QKI: variants seen among roughly 807,000 people sequenced by gnomAD.
The protein encoded by QKI is QKI, KH domain containing RNA binding.
Under a neutral mutation model 39.0 loss-of-function variants are expected in QKI, and 10 were observed. That is an observed-to-expected ratio of 0.26 (90% confidence interval 0.16 to 0.43). The LOEUF (loss-of-function observed/expected upper bound fraction) is 0.43, where lower values mean the gene tolerates loss of function less well. QKI is among the 20% of genes least tolerant of loss of function. The pLI is 1.00. For synonymous variants in QKI, 204 were observed against 155.4 expected, an observed-to-expected ratio of 1.31 and a Z score of -2.33; for missense variants, 218 against 428.0, an observed-to-expected ratio of 0.51 and a Z score of 4.33.
chr6:163,492,110 T>A (rs1011152072), intron 3 of QKI, among the ~76,000 whole-genome samples: 1 of 152,228 alleles, frequency 6.6e-6, no homozygotes, highest in African/African-American at 2.4e-5. Flanking sequence ...GAGTGAGTAG[T>A]GGAATGTTGC....
At chr6:163,517,080 TTTC>T (rs1562505611) in intron 3 of QKI, among the ~76,000 whole-genome samples, 13 of 137,478 alleles carry the variant, frequency 9.5e-5, no homozygotes, top group Admixed American at 2.8e-4. Context: ...TCTCTCTCTC[TTTC>T]TCTCTCTCTC....
In QKI at chr6:163,573,849, A is replaced by G. The variant is rs2128253854; in HGVS notation, c.*3139A>G. ...ACCTTTATATGTTTAATTAAAATAA[A>G]CAAATAAAGACAAAAGAATGTAAAG... is the stretch of plus-strand genomic sequence containing the variant. On this transcript the variant is annotated 3_prime_UTR_variant, in exon 8 of 8. Coordinates refer to ENST00000361752, the MANE Select transcript of QKI (RefSeq NM_006775.3). 6.6e-6 allele frequency: 1 copy of G among 152,210 alleles called. No homozygotes were observed. The highest frequency in any genetic ancestry group is 3.4e-3 in the Middle Eastern group (1 of 294). The allele number at this position is 152,210 out of a possible 1,614,324, so 9.4% of individuals were successfully genotyped here.
At chr6:163,541,654 C>A (rs1232440631) in intron 4 of QKI, among the ~76,000 whole-genome samples, 1 of 151,894 alleles carries the variant, frequency 6.6e-6, no homozygotes, top group Non-Finnish European at 1.5e-5. Context: ...GCATGCATAT[C>A]TATGTATGTA....
chr6:163,517,094 T>TCTCTCTCTCTCTCTAG (rs796976137), intron 3 of QKI, among the ~76,000 whole-genome samples: 3,864 of 148,720 alleles, frequency 0.026, 184 homozygotes, highest in African/African-American at 0.095. Flanking sequence ...TCTCTCTCTC[T>TCTCTCTCTCTCTCTAG]CTCTCTCTAG....
chr6:163,480,464 A>G (rs1054756624), intron 3 of QKI, among the ~76,000 whole-genome samples: 1 of 152,184 alleles, frequency 6.6e-6, no homozygotes, highest in Non-Finnish European at 1.5e-5. Flanking sequence ...TTAAGCCCTC[A>G]CATAAGCTGA....
At chr6:163,549,473 G>A (rs755905787) in intron 4 of QKI, among the ~76,000 whole-genome samples, 12 of 152,178 alleles carry the variant, frequency 7.9e-5, no homozygotes, top group Non-Finnish European at 1.3e-4. Context: ...CACTTTGGGA[G>A]GCTGAGGCGG....
intron 3 of QKI, among the ~76,000 whole-genome samples, chr6:163,492,718 A>G (rs1174813184): frequency 6.6e-6 from 1 of 152,172 alleles, no homozygotes; most frequent in African/African-American, 2.4e-5. Context: ...AATAAGATTA[A>G]TGTTTGAATA....
At position 163,508,504 on chromosome 6, in the gene QKI, T is replaced by TTTTC. The variant is rs142900512; in HGVS notation, c.403-26450_403-26447dup. On this transcript the variant is annotated intron_variant, in intron 3 of 7. Coordinates refer to ENST00000361752, the MANE Select transcript of QKI (RefSeq NM_006775.3). ...AGTAAAATATCTTTTTTTCTTTTTCTTTTCTTTCTTTCTTTCTTTCTTTCT... is the reference window on the plus strand; with the variant it reads ...AGTAAAATATCTTTTTTTCTTTTTCTTTTCTTTCTTTCTTTCTTTCTTTCTTTCT... Among the ~76,000 whole-genome samples the TTTTC allele has an allele frequency of 2.6e-3, 369 of 141,050 alleles. 3 individuals are homozygous for TTTTC. The highest frequency in any genetic ancestry group is 4.0e-3 in the South Asian group (17 of 4,244). 92.5% of individuals were successfully genotyped at this position (141,050 alleles called of 152,430 possible).
intron 1 of QKI, among the ~76,000 whole-genome samples, chr6:163,420,702 C>A (rs944551888): frequency 1.3e-5 from 2 of 151,862 alleles, no homozygotes; most frequent in African/African-American, 4.8e-5. Flanking sequence ...ATATTTATAC[C>A]CCTTTAAAAA....
chr6:163,525,054 A>G (rs1780403738), intron 3 of QKI, among the ~76,000 whole-genome samples: 1 of 152,250 alleles, frequency 6.6e-6, no homozygotes, highest in Admixed American at 6.5e-5. Context: ...AGAGTATCAG[A>G]AAATGAATAT....
In QKI at chr6:163,482,185, G is replaced by A. The variant is rs565722936; in HGVS notation, c.402+3289G>A. ...GGGTGACAGAACGAGACTCTGTCTC[G>A]GGGGAAAAAAGAAAAAGAAACTGAA... On this transcript the variant is annotated intron_variant, in intron 3 of 7. Transcript: ENST00000361752. 3.3e-5 allele frequency among the ~76,000 whole-genome samples: 5 copies of A among 152,032 alleles called. No individual in the cohort carries two copies. The South Asian group carries it at 1.0e-3, about 32-fold the overall frequency.
chr6:163,511,551 T>G (rs9347755), intron 3 of QKI, among the ~76,000 whole-genome samples: 2 of 151,826 alleles, frequency 1.3e-5, no homozygotes, highest in East Asian at 1.9e-4. Context: ...AAAAGGCCTT[T>G]TAAGAGAATA....
intron 5 of QKI, among the ~76,000 whole-genome samples, chr6:163,562,738 A>C (rs1783112939): frequency 6.6e-6 from 1 of 152,226 alleles, no homozygotes; most frequent in South Asian, 2.1e-4. Flanking sequence ...TAAATTACTG[A>C]TTATTTAAAA....
At chr6:163,473,601 C>G (rs1396991133) in intron 2 of QKI, among the ~76,000 whole-genome samples, 1 of 152,098 alleles carries the variant, frequency 6.6e-6, no homozygotes, top group Admixed American at 6.5e-5. Context: ...AATTAGGCAT[C>G]TATTTTAAAT....
intron 1 of QKI, chr6:163,429,056 A>G (rs1386384759): frequency 6.6e-6 from 1 of 152,172 alleles, no homozygotes; most frequent in Non-Finnish European, 1.5e-5. Flanking sequence ...AGCAGTGGTG[A>G]GGGCACAGAG....
chr6:163,507,311 A>G (rs1779159406), intron 3 of QKI, among the ~76,000 whole-genome samples: 2 of 152,194 alleles, frequency 1.3e-5, no homozygotes, highest in African/African-American at 4.8e-5. Context: ...TCCGGTAATG[A>G]ATGAGTAAAT....
intron 4 of QKI, among the ~76,000 whole-genome samples, chr6:163,547,240 C>A (rs1397605030): frequency 6.6e-6 from 1 of 152,156 alleles, no homozygotes; most frequent in Admixed American, 6.5e-5. Context: ...ATCTCACAAA[C>A]TTCTATTGAA....
chr6:163,549,829 C>T (rs115130679), intron 4 of QKI, among the ~76,000 whole-genome samples: 6,127 of 152,286 alleles, frequency 0.04, 131 homozygotes, highest in African/African-American at 0.063. Flanking sequence ...TTCTCTACCT[C>T]TTAAAGAAAA....
intron 3 of QKI, among the ~76,000 whole-genome samples, chr6:163,499,732 T>A (rs1778628937): frequency 1.3e-5 from 2 of 152,196 alleles, no homozygotes; most frequent in African/African-American, 4.8e-5. Context: ...GACTATTCTT[T>A]CTTCTACTTT....
Sources: allele counts gnomAD v4.1 joint callset (sites outside exome capture counted in the v4.1 genomes callset), GRCh38; gene constraint gnomAD v4.1.1; transcripts MANE v1.5; gene names NCBI Gene and HGNC (gene_info 2026-07-23, HGNC 2026-07-21).